LRFN3: variants seen among roughly 807,000 people sequenced by gnomAD.
The protein encoded by LRFN3 is leucine rich repeat and fibronectin type III domain containing 3.
A neutral mutation model predicts 23.8 loss-of-function variants in LRFN3; 8 were observed. The observed-to-expected ratio is 0.34, with a 90% CI of 0.20 to 0.61. The LOEUF is 0.61. LRFN3 is among the 20% of genes least tolerant of loss of function. The probability of loss-of-function intolerance (pLI) is 0.80; values close to 1 mark genes in which losing one functional copy is unlikely to be tolerated. For missense variants in LRFN3, 736 were observed against 935.3 expected (o/e 0.79, Z 2.78); for synonymous variants, 451 against 450.6 (o/e 1.00, Z -0.01).
At position 35,940,738 on chromosome 19, in the gene LRFN3, C is replaced by T. The variant is rs572491142; in HGVS notation, c.1313C>T (p.Ala438Val). The T allele has an allele frequency of 4.3e-6, 7 of 1,613,436 alleles. No homozygotes were observed. In the South Asian group the frequency reaches 7.7e-5, roughly 18 times the overall value. Residue 438 changes from alanine to valine, a missense_variant, in exon 2 of 3, where the codon GCC becomes GTC. Transcript: ENST00000246529. ...GGCGTCCAGGTGACTGAGCACGGGG[C>T]CACAGCTGCTCTTGTCCAGTGGCCG... is the stretch of plus-strand genomic sequence containing the variant. ...DRGVQVTEHGATAALVQWPDQ... is the reference protein window; with the variant it reads ...DRGVQVTEHGVTAALVQWPDQ...
At chr19:35,941,905 C>T (rs886066163) in intron 2 of LRFN3, among the ~76,000 whole-genome samples, 1 of 143,522 alleles carries the variant, frequency 7.0e-6, no homozygotes, top group Non-Finnish European at 1.5e-5. Context: ...TTTTTTGAGA[C>T]GGAGTCTCAC....
chr19:35,942,483 G>A (rs1455901283), intron 2 of LRFN3, among the ~76,000 whole-genome samples: 4 of 152,218 alleles, frequency 2.6e-5, no homozygotes, highest in African/African-American at 9.6e-5. Context: ...CTGTGGGTGA[G>A]TCCCTGTCCT....
intron 2 of LRFN3, among the ~76,000 whole-genome samples, chr19:35,941,607 C>T (rs1367437292): frequency 6.6e-6 from 1 of 151,538 alleles, no homozygotes; most frequent in Non-Finnish European, 1.5e-5. Flanking sequence ...CTCACTTTGT[C>T]GCCCAGGCTG....
In LRFN3 at chr19:35,944,533, C is replaced by T. The variant is rs377063730; in HGVS notation, c.1416-15C>T. On this transcript the variant is annotated splice_polypyrimidine_tract_variant and intron_variant, in intron 2 of 2. Coordinates refer to ENST00000246529, the MANE Select transcript of LRFN3 (RefSeq NM_024509.2). This position sits in a 1 kb window ranked among gnomAD's most constrained non-coding sequence, Gnocchi z 4.5. ...GGGCAGCCTGAGACCTGACCCCCAC[C>T]TGCCTGCCCTGCAGGATGATCCCGG... 148 of 1,422,766 alleles carry T rather than the reference C, an allele frequency of 1.0e-4. 1 individual carries two copies. In the African/African-American group the frequency reaches 2.0e-3, roughly 19 times the overall value. 88.1% of individuals were successfully genotyped at this position (1,422,766 alleles called of 1,614,324 possible).
rs1024443620 is a variant in LRFN3 at position 35,937,245 on chromosome 19, C to T, written c.-327C>T. 6 of 152,170 alleles carry T rather than the reference C, an allele frequency of 3.9e-5. No homozygotes were observed. Among genetic ancestry groups the T allele is most frequent in the African/African-American group, 1.4e-4 (6 of 41,414 alleles). The allele number at this position is 152,170 out of a possible 1,614,324, so 9.4% of individuals were successfully genotyped here. A position where few individuals can be genotyped will look rare whatever the true frequency, so the allele number is the denominator to read the frequency against. ...ATATCTGAATGCAGAACCCCGGGAT[C>T]GGATCTCAGACTCTAAACCCCACCG... is the stretch of plus-strand genomic sequence containing the variant. On this transcript the variant is annotated 5_prime_UTR_variant, in exon 1 of 3. Transcript: ENST00000246529.
chr19:35,943,979 C>T (rs1976149093), intron 2 of LRFN3, among the ~76,000 whole-genome samples: 2 of 152,084 alleles, frequency 1.3e-5, no homozygotes, highest in African/African-American at 4.8e-5. Flanking sequence ...GCCTTGAGGC[C>T]AGGAGTTTGA....
rs1459504794 is a variant in LRFN3 at position 35,940,584 on chromosome 19, C to T, written c.1159C>T (p.Pro387Ser). 3 of 1,612,080 alleles carry T rather than the reference C, an allele frequency of 1.9e-6. No homozygotes were observed. The highest frequency in any genetic ancestry group is 2.5e-6 in the Non-Finnish European group (3 of 1,179,114). The change falls in exon 2 of 3, where the codon CCA becomes TCA. Residue 387 changes from proline (P) to serine (S), a missense_variant. By Grantham distance (74) the Pro-to-Ser change is moderately conservative (BLOSUM62 -1). Transcript: ENST00000246529. ...AAVELTVGPPPPPQLANSTSC... is the reference protein window; with the variant it reads ...AAVELTVGPPSPPQLANSTSC... Reference sequence around the variant, plus strand: ...TGTGGAGCTGACTGTGGGTCCCCCACCACCTCCTCAGCTAGCCAACAGCAC... The same window carrying T: ...TGTGGAGCTGACTGTGGGTCCCCCATCACCTCCTCAGCTAGCCAACAGCAC...
chr19:35,941,228 A>AG (rs1415338330), intron 2 of LRFN3, among the ~76,000 whole-genome samples: 3 of 149,246 alleles, frequency 2.0e-5, no homozygotes, highest in Admixed American at 6.7e-5. Flanking sequence ...GAAACCAGGC[A>AG]GCGGGAGGAG....
Position 35,944,866 on chromosome 19 carries a change from T to G in LRFN3, c.1734T>G (p.Pro578=). 1.3e-6 allele frequency: 2 copies of G among 1,599,956 alleles called. No homozygotes were observed. Among genetic ancestry groups the G allele is most frequent in the Non-Finnish European group, 1.7e-6 (2 of 1,178,802 alleles). Reference sequence around the variant, plus strand: ...CCGGCAAGGCCAAGATTCCCGCGCCTGTTAGCAGCGTTTGCTCCCAGACCA... The same window carrying G: ...CCGGCAAGGCCAAGATTCCCGCGCCGGTTAGCAGCGTTTGCTCCCAGACCA... ...QPPGKAKIPA[P]VSSVCSQTNG... is the part of the protein sequence containing the mutation. The change falls in exon 3 of 3, where the codon CCT becomes CCG. Residue 578 remains proline, a synonymous_variant. Transcript: ENST00000246529. The surrounding 1 kb of genome is among the most constrained non-coding windows in gnomAD (Gnocchi z 4.5).
chr19:35,943,110 C>T (rs1241792358), intron 2 of LRFN3, among the ~76,000 whole-genome samples: 2 of 152,020 alleles, frequency 1.3e-5, no homozygotes, highest in Admixed American at 1.3e-4. Flanking sequence ...AGACAGTCAC[C>T]CTGCCCCAGG....
Position 35,944,472 on chromosome 19 carries a change from C to A in LRFN3, c.1416-76C>A. ...TGGACTGGTGGGAAGTCTAGCCCCG[C>A]AGGGAGTTTGGTGGGGGAAGCACAG... On this transcript the variant is annotated intron_variant, in intron 2 of 2. Transcript: ENST00000246529. This position sits in a 1 kb window ranked among gnomAD's most constrained non-coding sequence, Gnocchi z 4.5. 1.9e-6 allele frequency: 2 copies of A among 1,035,746 alleles called. No homozygotes were observed. The highest frequency in any genetic ancestry group is 2.0e-5 in the South Asian group (1 of 50,334). 64.2% of individuals were successfully genotyped at this position (1,035,746 alleles called of 1,614,324 possible).
At chr19:35,938,859 G>A (rs79086166) in intron 1 of LRFN3, among the ~76,000 whole-genome samples, 1 of 152,020 alleles carries the variant, frequency 6.6e-6, no homozygotes, top group African/African-American at 2.4e-5. Flanking sequence ...TGGCTGCCCC[G>A]TCTCCCCATG....
chr19:35,940,883 G>T, intron 2 of LRFN3, 43 bp downstream of exon 2: 1 of 1,483,112 alleles, frequency 6.7e-7, no homozygotes, highest in Non-Finnish European at 9.0e-7. Context: ...GGGGGAGTGA[G>T]GCAAGGGGAG....
Position 35,944,289 on chromosome 19 carries a change from T to C in LRFN3, c.1416-259T>C, listed in dbSNP as rs1414052783. Among the ~76,000 whole-genome samples the C allele has an allele frequency of 6.6e-6, 1 of 151,946 alleles. No individual in the cohort carries two copies. The highest frequency in any genetic ancestry group is 1.5e-5 in the Non-Finnish European group (1 of 67,982). ...TTGGGTGGTGGGACTAGAGTGAAAA[T>C]GGGCAGCAGGCTATGAGGACGTGTG... On this transcript the variant is annotated intron_variant, in intron 2 of 2. Transcript: ENST00000246529. The surrounding 1 kb of genome is among the most constrained non-coding windows in gnomAD (Gnocchi z 4.5).
rs759985199 is a variant in LRFN3, at chr19:35,946,017, G to A, written c.*998G>A. ...TTGACAGAGACACTCGGGAAACTGTGGGAAGCTGAGGCGGTGGGTTATGGA... is the reference window on the plus strand; with the variant it reads ...TTGACAGAGACACTCGGGAAACTGTAGGAAGCTGAGGCGGTGGGTTATGGA... On this transcript the variant is annotated 3_prime_UTR_variant, in exon 3 of 3. Transcript: ENST00000246529. Among the ~76,000 whole-genome samples the A allele has an allele frequency of 1.3e-5, 2 of 152,102 alleles. No individual in the cohort carries two copies. The highest frequency in any genetic ancestry group is 6.5e-5 in the Admixed American group (1 of 15,270).
In LRFN3 at chr19:35,939,929, C is replaced by T. The variant is rs760768387; in HGVS notation, c.504C>T (p.Leu168=). ...LEDLDLSYNN[L]EQLPWEALGR... is the part of the protein sequence containing the mutation. ...ACCTCGACCTCTCCTACAACAACCT[C>T]GAGCAGCTGCCCTGGGAGGCCCTGG... Residue 168 remains leucine (L), a synonymous_variant, in exon 2 of 3, where the codon CTC becomes CTT. Transcript: ENST00000246529. This position sits in a 1 kb window ranked among gnomAD's most constrained non-coding sequence, Gnocchi z 6.4. 13 of 1,605,510 alleles carry T rather than the reference C, an allele frequency of 8.1e-6. No homozygotes were observed. In the East Asian group the frequency reaches 2.2e-4, roughly 28 times the overall value.
At position 35,943,828 on chromosome 19, in the gene LRFN3, C is replaced by G. The variant is rs1976147716; in HGVS notation, c.1416-720C>G. ...ATTGGGCAGGGAGGCTAGAGCGGAGCTGGGCTGCAGGCTGGAGGGAAATTG... is the reference window on the plus strand; with the variant it reads ...ATTGGGCAGGGAGGCTAGAGCGGAGGTGGGCTGCAGGCTGGAGGGAAATTG... On this transcript the variant is annotated intron_variant, in intron 2 of 2. Transcript: ENST00000246529. 2.0e-5 allele frequency among the ~76,000 whole-genome samples: 3 copies of G among 152,154 alleles called. No homozygotes were observed. In the South Asian group the frequency reaches 6.2e-4, roughly 32 times the overall value.
At position 35,946,268 on chromosome 19, in the gene LRFN3, G is replaced by GA. The variant is rs1025438371; in HGVS notation, c.*1250dup. Among the ~76,000 whole-genome samples, 3 of 152,064 alleles carry GA rather than the reference G, an allele frequency of 2.0e-5. No homozygotes were observed. Among genetic ancestry groups the GA allele is most frequent in the African/African-American group, 7.3e-5 (3 of 41,370 alleles). On this transcript the variant is annotated 3_prime_UTR_variant, in exon 3 of 3. Transcript: ENST00000246529. The stretch of plus-strand genomic sequence containing the variant: ...GGCTTTGTCAGCAGAGATGGGAACT[G>GA]ACGCTGCTGGGGTTAAGACGGCTTC...
At position 35,944,416 on chromosome 19, in the gene LRFN3, G is replaced by T. The variant is rs1466869012; in HGVS notation, c.1416-132G>T. The T allele has an allele frequency of 1.3e-5, 7 of 555,948 alleles. No homozygotes were observed. The highest frequency in any genetic ancestry group is 2.0e-5 in the Non-Finnish European group (7 of 341,844). The allele number at this position is 555,948 out of a possible 1,614,324, so 34.4% of individuals were successfully genotyped here. A position where few individuals can be genotyped will look rare whatever the true frequency, so the allele number is the denominator to read the frequency against. ...AAGGGAATTGGGATGTTGGTGAGAG[G>T]GAGCTCATTGGGTAGAATGAAATGA... On this transcript the variant is annotated intron_variant, in intron 2 of 2. Transcript: ENST00000246529. The surrounding 1 kb of genome is among the most constrained non-coding windows in gnomAD (Gnocchi z 4.5).
Sources: gnomAD v4.1 joint callset for allele counts (sites outside exome capture counted in the v4.1 genomes callset) on GRCh38, gnomAD v4.1.1 for gene constraint, Gnocchi (gnomAD v3.1) non-coding constraint, MANE v1.5 for transcripts, NCBI Gene and HGNC (gene_info 2026-07-23, HGNC 2026-07-21) for gene names.